CHN1: variants seen among roughly 807,000 people sequenced by gnomAD.
CHN1 encodes the protein N-chimaerin.
In CHN1, 37 loss-of-function variants were observed where a neutral mutation model predicts 59.5. That is an observed-to-expected ratio of 0.62 (90% CI 0.48 to 0.82). The LOEUF (loss-of-function observed/expected upper bound fraction) is 0.82. Among genes scored for constraint, CHN1 ranks in the 40% least tolerant of loss-of-function variants. The pLI, the probability that CHN1 is intolerant of heterozygous loss-of-function variation, is 0.00. For synonymous variants in CHN1, 206 were observed against 200.4 expected, an observed-to-expected ratio of 1.03 and a Z score of -0.24; for missense variants, 469 against 571.0, an observed-to-expected ratio of 0.82 and a Z score of 1.82.
chr2:174,849,189 T>C (rs752891424), intron 6 of CHN1, among the ~76,000 whole-genome samples: 5 of 152,214 alleles, frequency 3.3e-5, no homozygotes, highest in Non-Finnish European at 7.3e-5. Flanking sequence ...TCATTCCTGG[T>C]TCTACAGCTA....
At chr2:174,902,066 T>C (rs1688402000) in intron 5 of CHN1, among the ~76,000 whole-genome samples, 1 of 152,218 alleles carries the variant, frequency 6.6e-6, no homozygotes, top group Admixed American at 6.5e-5. Flanking sequence ...AACACAGTTT[T>C]AACAGTGATT....
At chr2:174,907,567 G>C (rs954437774) in intron 5 of CHN1, among the ~76,000 whole-genome samples, 1 of 149,900 alleles carries the variant, frequency 6.7e-6, no homozygotes, top group Non-Finnish European at 1.5e-5. Context: ...ACCCAACATT[G>C]CAACTAATGT....
intron 3 of CHN1, among the ~76,000 whole-genome samples, chr2:174,939,577 C>T (rs914902637): frequency 1.3e-5 from 2 of 152,082 alleles, no homozygotes; most frequent in African/African-American, 2.4e-5. Context: ...AGATAATAGT[C>T]TTACTAATAA....
chr2:174,942,048 C>T (rs540141000), intron 3 of CHN1, among the ~76,000 whole-genome samples: 1 of 152,230 alleles, frequency 6.6e-6, no homozygotes, highest in Non-Finnish European at 1.5e-5. Context: ...GGAATTCATA[C>T]ACTGATGGTG....
chr2:174,927,222 T>C (rs1689196496), intron 3 of CHN1, among the ~76,000 whole-genome samples: 1 of 152,182 alleles, frequency 6.6e-6, no homozygotes, highest in African/African-American at 2.4e-5. Context: ...AATTAAGACC[T>C]GTCTCAGATA....
intron 6 of CHN1, among the ~76,000 whole-genome samples, chr2:174,864,673 C>T (rs1687163079): frequency 6.6e-6 from 1 of 151,970 alleles, no homozygotes; most frequent in Non-Finnish European, 1.5e-5. Context: ...AAGTTCGAGA[C>T]CAGCCTGGGC....
intron 3 of CHN1, among the ~76,000 whole-genome samples, chr2:174,930,793 C>A (rs1439162825): frequency 1.3e-5 from 2 of 150,746 alleles, no homozygotes; most frequent in African/African-American, 2.4e-5. Context: ...GAGACGGAGT[C>A]TCGCTCTGCC....
At chr2:174,852,748 A>G (rs2600696) in intron 6 of CHN1, among the ~76,000 whole-genome samples, 2,723 of 152,322 alleles carry the variant, frequency 0.018, 79 homozygotes, top group African/African-American at 0.062. Context: ...GACCAATGGA[A>G]GAGAGCAGAA....
chr2:174,985,465 A>G (rs1326313342), intron 1 of CHN1, among the ~76,000 whole-genome samples: 1 of 152,126 alleles, frequency 6.6e-6, no homozygotes, highest in East Asian at 1.9e-4. Flanking sequence ...TTCCAACTAC[A>G]TCATCTTGTT....
chr2:174,983,548 G>A (rs1691232887), intron 1 of CHN1, among the ~76,000 whole-genome samples: 1 of 151,866 alleles, frequency 6.6e-6, no homozygotes, highest in South Asian at 2.1e-4. Context: ...TAAGCTAGAC[G>A]GCCGGGCACG....
chr2:174,981,632 T>C (rs1006689982), intron 1 of CHN1, among the ~76,000 whole-genome samples: 2 of 152,238 alleles, frequency 1.3e-5, no homozygotes, highest in Non-Finnish European at 2.9e-5. Flanking sequence ...AACAGACTTA[T>C]ACATGTCTGA....
intron 1 of CHN1, among the ~76,000 whole-genome samples, chr2:174,983,858 T>C (rs1208548662): frequency 6.6e-6 from 1 of 151,358 alleles, no homozygotes; most frequent in African/African-American, 2.4e-5. Context: ...ATAAATAAGC[T>C]AGCCAATCAG....
At chr2:174,891,140 CAAAAAA>C (rs58016502) in intron 5 of CHN1, among the ~76,000 whole-genome samples, 14 of 24,426 alleles carry the variant, frequency 5.7e-4, no homozygotes, top group African/African-American at 1.1e-3. Flanking sequence ...GACTCCATCT[CAAAAAA>C]AAAAAAAAAA....
chr2:174,995,203 G>A (rs945086002), intron 1 of CHN1, among the ~76,000 whole-genome samples: 1 of 152,122 alleles, frequency 6.6e-6, no homozygotes, highest in African/African-American at 2.4e-5. Context: ...TGAGGGCAGG[G>A]ATGTAACTGA....
At chr2:174,931,557 A>G (rs58087553) in intron 3 of CHN1, among the ~76,000 whole-genome samples, 48,293 of 152,206 alleles carry the variant, frequency 0.32, 8,912 homozygotes, top group Admixed American at 0.45. Context: ...AACCTGGGAA[A>G]TACTGATAAA....
intron 5 of CHN1, among the ~76,000 whole-genome samples, chr2:174,899,478 A>G (rs188141062): frequency 1.3e-5 from 2 of 152,320 alleles, no homozygotes; most frequent in Non-Finnish European, 1.5e-5. Context: ...TCTAGAGCCA[A>G]ATCTAGGCCA....
At chr2:174,874,211 T>C (rs369553037) in intron 6 of CHN1, among the ~76,000 whole-genome samples, 1 of 152,220 alleles carries the variant, frequency 6.6e-6, no homozygotes, top group Non-Finnish European at 1.5e-5. Flanking sequence ...CATAAACATA[T>C]TGTATTCACT....
At chr2:174,975,054 CA>C (rs1469358545) in intron 1 of CHN1, among the ~76,000 whole-genome samples, 1 of 152,062 alleles carries the variant, frequency 6.6e-6, no homozygotes, top group Non-Finnish European at 1.5e-5. Flanking sequence ...TTTCTGAAAG[CA>C]TAAGAATTTC....
intron 6 of CHN1, among the ~76,000 whole-genome samples, chr2:174,848,850 T>A (rs1276540350): frequency 6.6e-6 from 1 of 152,226 alleles, no homozygotes; most frequent in Non-Finnish European, 1.5e-5. Flanking sequence ...ATAATTAATA[T>A]GAGACATAAA....
Sources: allele counts gnomAD v4.1 joint callset (sites outside exome capture counted in the v4.1 genomes callset), GRCh38; gene constraint gnomAD v4.1.1; transcripts MANE v1.5; gene names NCBI Gene and HGNC (gene_info 2026-07-23, HGNC 2026-07-21).